LOC128706666: variants seen among roughly 807,000 people sequenced by gnomAD.
At chr20:10,422,416 A>G in the LOC128706666 span, among the ~76,000 whole-genome samples, 2 of 152,184 alleles carry the variant, frequency 1.3e-5, no homozygotes, top group African/African-American at 4.8e-5. Context: ...ATCATAATTA[A>G]ATTTCATTGT....
At chr20:10,419,005 T>C in the LOC128706666 span, among the ~76,000 whole-genome samples, 1 of 152,266 alleles carries the variant, frequency 6.6e-6, no homozygotes, top group East Asian at 1.9e-4. Flanking sequence ...AATTGTCTAA[T>C]ATATTAAGCT....
the LOC128706666 span, among the ~76,000 whole-genome samples, chr20:10,432,226 G>A: frequency 1.3e-5 from 2 of 152,208 alleles, no homozygotes; most frequent in African/African-American, 4.8e-5. Flanking sequence ...TGTGGGACTG[G>A]TGGAGAACAT....
the LOC128706666 span, among the ~76,000 whole-genome samples, chr20:10,415,953 C>G: frequency 1.3e-5 from 2 of 151,996 alleles, no homozygotes; most frequent in East Asian, 1.9e-4. Flanking sequence ...CAGGTCTAGA[C>G]CTGAACAAAA....
chr20:10,416,993 C>T, the LOC128706666 span, among the ~76,000 whole-genome samples: 3 of 151,992 alleles, frequency 2.0e-5, no homozygotes, highest in Admixed American at 2.0e-4. Flanking sequence ...AAAAGTTTGC[C>T]AATTTCTAGG....
the LOC128706666 span, among the ~76,000 whole-genome samples, chr20:10,414,263 G>GTTTT: frequency 3.0e-5 from 4 of 133,714 alleles, no homozygotes; most frequent in Non-Finnish European, 3.1e-5. Context: ...AGGTCTCTGA[G>GTTTT]TCTTTTTTTT....
the LOC128706666 span, among the ~76,000 whole-genome samples, chr20:10,414,696 C>A: frequency 6.6e-6 from 1 of 152,142 alleles, no homozygotes; most frequent in Non-Finnish European, 1.5e-5. Context: ...TATATCAAGT[C>A]ATGTTTGTAA....
chr20:10,417,470 G>T, the LOC128706666 span, among the ~76,000 whole-genome samples: 1 of 152,172 alleles, frequency 6.6e-6, no homozygotes, highest in African/African-American at 2.4e-5. Flanking sequence ...ACTTAGCCAG[G>T]TGTGGTGGCG....
At chr20:10,416,972 T>G in the LOC128706666 span, among the ~76,000 whole-genome samples, 8 of 152,016 alleles carry the variant, frequency 5.3e-5, no homozygotes, top group African/African-American at 1.9e-4. Context: ...CTATCTGATC[T>G]TTTATAGAAA....
the LOC128706666 span, chr20:10,413,905 A>G: frequency 2.4e-6 from 1 of 419,372 alleles, no homozygotes. Context: ...TTCGATATGA[A>G]GCTCAGATTC....
chr20:10,415,635 T>C, the LOC128706666 span, among the ~76,000 whole-genome samples: 3 of 152,358 alleles, frequency 2.0e-5, no homozygotes, highest in East Asian at 5.8e-4. Flanking sequence ...GAGAAATACA[T>C]TTAAATGAAA....
chr20:10,431,875 C>T, the LOC128706666 span: 3 of 152,258 alleles, frequency 2.0e-5, no homozygotes, highest in African/African-American at 7.2e-5. Flanking sequence ...TCAGATGTCA[C>T]CTACTCAGAG....
the LOC128706666 span, among the ~76,000 whole-genome samples, chr20:10,429,948 T>G: frequency 1.3e-5 from 2 of 152,224 alleles, no homozygotes; most frequent in Non-Finnish European, 2.9e-5. Context: ...TAGGTAATTC[T>G]GAAGCTAAAG....
chr20:10,432,930 A>C, the LOC128706666 span, among the ~76,000 whole-genome samples: 1 of 152,178 alleles, frequency 6.6e-6, no homozygotes, highest in Admixed American at 6.5e-5. Context: ...GTTACACTGC[A>C]GTGTTTAGGG....
chr20:10,427,706 T>C, the LOC128706666 span, among the ~76,000 whole-genome samples: 1 of 152,274 alleles, frequency 6.6e-6, no homozygotes, highest in Non-Finnish European at 1.5e-5. Flanking sequence ...AGAACAATCG[T>C]TTTCCTTTTT....
the LOC128706666 span, among the ~76,000 whole-genome samples, chr20:10,427,029 GACACACACACACACACACACACACACAC>G: frequency 1.7e-4 from 22 of 130,724 alleles, no homozygotes; most frequent in African/African-American, 6.2e-4. Flanking sequence ...AGAAAACACT[GACACACACACACACACACACACACACAC>G]ACACACACAC....
chr20:10,417,083 A>G, the LOC128706666 span, among the ~76,000 whole-genome samples: 2 of 152,078 alleles, frequency 1.3e-5, no homozygotes, highest in African/African-American at 4.8e-5. Flanking sequence ...CCCTGTCTCT[A>G]CTAAAAAAAT....
the LOC128706666 span, among the ~76,000 whole-genome samples, chr20:10,414,338 TCAC>T: frequency 2.6e-5 from 4 of 150,974 alleles, no homozygotes; most frequent in African/African-American, 7.3e-5. Flanking sequence ...TGATCTTGGC[TCAC>T]CACAACCTCA....
At chr20:10,428,799 G>A in the LOC128706666 span, among the ~76,000 whole-genome samples, 4 of 152,186 alleles carry the variant, frequency 2.6e-5, no homozygotes, top group East Asian at 1.9e-4. Flanking sequence ...AGTCGAGATC[G>A]CGCCATTGCA....
chr20:10,420,914 A>G, the LOC128706666 span, among the ~76,000 whole-genome samples: 1 of 152,220 alleles, frequency 6.6e-6, no homozygotes, highest in Non-Finnish European at 1.5e-5. Context: ...TAATAAACAA[A>G]AAGAGACATG....
Sources: allele counts gnomAD v4.1 joint callset (sites outside exome capture counted in the v4.1 genomes callset), GRCh38; gene constraint gnomAD v4.1.1; transcripts MANE v1.5.